The following TCERG1L variants were observed in gnomAD, a reference collection of about 807,000 sequenced individuals.
TCERG1L encodes the protein transcription elongation regulator 1-like protein.
TCERG1L carries 37 observed loss-of-function variants against 56.3 expected under a neutral mutation model. That is an observed-to-expected ratio of 0.66 (90% CI 0.51 to 0.87). The LOEUF (loss-of-function observed/expected upper bound fraction) is 0.87, where lower values mean the gene tolerates loss of function less well. Ranked by LOEUF, TCERG1L falls within the 40% of genes least tolerant of loss-of-function variation. The pLI, the probability that TCERG1L is intolerant of heterozygous loss-of-function variation, is 0.00. For missense variants in TCERG1L, 799 were observed against 774.2 expected, an observed-to-expected ratio of 1.03 and a Z score of -0.38; for synonymous variants, 324 against 326.3, an observed-to-expected ratio of 0.99 and a Z score of 0.08.
At chr10:131,245,022 G>T (rs879380437) in intron 4 of TCERG1L, among the ~76,000 whole-genome samples, 1 of 152,172 alleles carries the variant, frequency 6.6e-6, no homozygotes, top group African/African-American at 2.4e-5. Context: ...ACAGGGGAGT[G>T]GGGGAGCCCC....
chr10:131,298,708 C>A (rs929920557), intron 3 of TCERG1L, among the ~76,000 whole-genome samples: 19 of 152,346 alleles, frequency 1.2e-4, no homozygotes, highest in African/African-American at 4.6e-4. Flanking sequence ...GCCACGGCGT[C>A]CAGCCCTACT....
chr10:131,163,309 G>A (rs1255500714), intron 5 of TCERG1L, 99 bp from the exon 6 acceptor site: 12 of 1,024,748 alleles, frequency 1.2e-5, no homozygotes, highest in South Asian at 5.2e-5. Flanking sequence ...CCTGCAGGCA[G>A]GCAGCTTATA....
chr10:131,220,766 C>T (rs1845722482), intron 4 of TCERG1L, among the ~76,000 whole-genome samples: 1 of 152,162 alleles, frequency 6.6e-6, no homozygotes, highest in Non-Finnish European at 1.5e-5. Context: ...CAAAGCTGCC[C>T]AAACCCTTGG....
chr10:131,098,388 C>A lies in TCERG1L; in HGVS notation c.1522G>T (p.Glu508Ter), dbSNP rs1330796401. The A allele has an allele frequency of 6.4e-7, 1 of 1,550,556 alleles. No individual in the cohort carries two copies. Among genetic ancestry groups the A allele is most frequent in the East Asian group, 2.4e-5 (1 of 41,240 alleles). Reference sequence around the variant, plus strand: ...AATTTACTTTTCTTTTCCTTGTATTCTTCTTTTATTCTTGTCTTGACAAAC... The same window carrying A: ...AATTTACTTTTCTTTTCCTTGTATTATTCTTTTATTCTTGTCTTGACAAAC... ...EQFVKTRIKEEYKEKKSKLLL... is the reference protein window; with the variant it reads ...EQFVKTRIKE The change falls in exon 11 of 12, where the codon GAA becomes TAA. Residue 508 changes from glutamate (E) to a stop codon, truncating the protein, a stop_gained. Transcript: ENST00000368642. LOFTEE classifies it high-confidence loss of function.
chr10:131,284,314 G>C (rs1271784064), intron 3 of TCERG1L, among the ~76,000 whole-genome samples: 3 of 151,668 alleles, frequency 2.0e-5, no homozygotes, highest in Admixed American at 6.6e-5. Flanking sequence ...AAAAATCATA[G>C]GATATAAAAC....
At chr10:131,130,325 G>A (rs1193788037) in intron 8 of TCERG1L, among the ~76,000 whole-genome samples, 2 of 152,148 alleles carry the variant, frequency 1.3e-5, no homozygotes, top group Non-Finnish European at 1.5e-5. Context: ...CTCATGACAC[G>A]TGGCAATTAT....
chr10:131,182,172 G>A (rs11017804), intron 4 of TCERG1L, among the ~76,000 whole-genome samples: 1 of 152,182 alleles, frequency 6.6e-6, no homozygotes, highest in Admixed American at 6.5e-5. Context: ...TATCAAATAT[G>A]CAGGTCCCTT....
chr10:131,177,057 T>TAC (rs1225500964), intron 4 of TCERG1L, among the ~76,000 whole-genome samples: 1 of 37,988 alleles, frequency 2.6e-5, no homozygotes, highest in African/African-American at 6.9e-5. Flanking sequence ...CACAGACGTA[T>TAC]ACACACACAG....
rs951396683 is a variant in TCERG1L, at chr10:131,103,565, C to T, written c.1485+700G>A. Among the ~76,000 whole-genome samples the T allele has an allele frequency of 2.0e-5, 3 of 152,152 alleles. No individual in the cohort carries two copies. Among genetic ancestry groups the T allele is most frequent in the African/African-American group, 7.2e-5 (3 of 41,426 alleles). ...AATTAGCCAGGCGTGGTGGCTGGAG[C>T]CTGTAGTCTCAGCTGCTCAGGAGGC... On this transcript the variant is annotated intron_variant, in intron 10 of 11. Coordinates refer to ENST00000368642, the MANE Select transcript of TCERG1L (RefSeq NM_174937.4). This position sits in a 1 kb window ranked among gnomAD's most constrained non-coding sequence, Gnocchi z 4.3.
At chr10:131,167,105 A>G (rs1159926804) in intron 4 of TCERG1L, among the ~76,000 whole-genome samples, 1 of 152,240 alleles carries the variant, frequency 6.6e-6, no homozygotes, top group Non-Finnish European at 1.5e-5. Context: ...TGCAGGGGCC[A>G]GAGGCCTGGG....
In TCERG1L at chr10:131,311,522, GGGCGGC is replaced by G. The variant is rs891363436; in HGVS notation, c.108_113del (p.Pro37_Pro38del). The G allele has an allele frequency of 1.3e-5, 16 of 1,200,344 alleles. No individual in the cohort carries two copies. The highest frequency in any genetic ancestry group is 7.7e-5 in the East Asian group (2 of 26,142). The allele number at this position is 1,200,344 out of a possible 1,614,324, so 74.4% of individuals were successfully genotyped here. A position where few individuals can be genotyped will look rare whatever the true frequency, so the allele number is the denominator to read the frequency against. ...CCGAGCCCGGCACCATCCAGACCCA[GGGCGGC>G]GGCGGCGGCGGCTCTGCGTCCATCG... On this transcript the variant is annotated inframe_deletion, in exon 1 of 12. Coordinates refer to ENST00000368642, the MANE Select transcript of TCERG1L (RefSeq NM_174937.4). This position sits in a 1 kb window ranked among gnomAD's most constrained non-coding sequence, Gnocchi z 4.0.
chr10:131,198,127 T>C (rs1845387826), intron 4 of TCERG1L, among the ~76,000 whole-genome samples: 1 of 152,248 alleles, frequency 6.6e-6, no homozygotes, highest in African/African-American at 2.4e-5. Context: ...AGCGCTGCTG[T>C]GTCTCTGCCC....
At chr10:131,298,908 C>T (rs556836507) in intron 3 of TCERG1L, among the ~76,000 whole-genome samples, 61 of 152,326 alleles carry the variant, frequency 4.0e-4, no homozygotes, top group Admixed American at 2.5e-3. Context: ...AGATGAGCTT[C>T]CATGCTGCAA....
At chr10:131,189,617 T>C (rs1564810871) in intron 4 of TCERG1L, among the ~76,000 whole-genome samples, 1 of 152,254 alleles carries the variant, frequency 6.6e-6, no homozygotes, top group Non-Finnish European at 1.5e-5. Context: ...ATCTTTGTTA[T>C]TGTGAGTAGT....
At chr10:131,253,004 C>T (rs902166802) in intron 4 of TCERG1L, among the ~76,000 whole-genome samples, 3 of 152,212 alleles carry the variant, frequency 2.0e-5, no homozygotes, top group South Asian at 2.1e-4. Context: ...CAGCACGTAC[C>T]GCCATGTGCC....
At chr10:131,102,878 C>T (rs930052751) in intron 10 of TCERG1L, among the ~76,000 whole-genome samples, 36 of 152,080 alleles carry the variant, frequency 2.4e-4, no homozygotes, top group African/African-American at 8.7e-4. Context: ...CAACAGGCCC[C>T]TCCTGTGAGC....
chr10:131,163,161 T>C lies in TCERG1L; in HGVS notation c.995A>G (p.Asn332Ser). 1.3e-6 allele frequency: 2 copies of C among 1,578,264 alleles called. No individual in the cohort carries two copies. Among genetic ancestry groups the C allele is most frequent in the Non-Finnish European group, 1.7e-6 (2 of 1,160,900 alleles). Residue 332 changes from asparagine to serine, a missense_variant, in exon 6 of 12, where the codon AAC becomes AGC. By Grantham distance (46) the Asn-to-Ser change is conservative (BLOSUM62 1). Transcript: ENST00000368642. Reference sequence around the variant, plus strand: ...CACCGGGGTGGAGGCCACTGGCCTGTTGCCTCTGGCTGTGCTGTCCTCTCC... The same window carrying C: ...CACCGGGGTGGAGGCCACTGGCCTGCTGCCTCTGGCTGTGCTGTCCTCTCC... ...GGGEDSTARGNRPVASTPVPG... is the reference protein window; with the variant it reads ...GGGEDSTARGSRPVASTPVPG...
chr10:131,255,032 G>A (rs1846152901), intron 4 of TCERG1L, among the ~76,000 whole-genome samples: 1 of 151,996 alleles, frequency 6.6e-6, no homozygotes, highest in Non-Finnish European at 1.5e-5. Context: ...GGAACACTGT[G>A]GGAGAGGAGG....
intron 3 of TCERG1L, among the ~76,000 whole-genome samples, chr10:131,279,576 T>A (rs1846430178): frequency 6.6e-6 from 1 of 152,032 alleles, no homozygotes; most frequent in Non-Finnish European, 1.5e-5. Context: ...TGTCCCACCA[T>A]CCAAGGCGCC....
Sources: gnomAD v4.1 joint callset for allele counts (sites outside exome capture counted in the v4.1 genomes callset) on GRCh38, gnomAD v4.1.1 for gene constraint, Gnocchi (gnomAD v3.1) non-coding constraint, MANE v1.5 for transcripts, NCBI Gene and HGNC (gene_info 2026-07-23, HGNC 2026-07-21) for gene names.